SAXO1: variants seen among roughly 807,000 people sequenced by gnomAD.
SAXO1 encodes 4930500O09Rik.
Under a neutral mutation model 17.5 loss-of-function variants are expected in SAXO1, and 21 were observed. The observed-to-expected ratio is 1.20, with a 90% CI of 0.85 to 1.72. The LOEUF is 1.72. Among genes scored for constraint, SAXO1 ranks in the 40% most tolerant of loss-of-function variants. The pLI, the probability that SAXO1 is intolerant of heterozygous loss-of-function variation, is 0.00. For synonymous variants in SAXO1, 274 were observed against 216.5 expected, an observed-to-expected ratio of 1.27 and a Z score of -2.33; for missense variants, 843 against 596.0, an observed-to-expected ratio of 1.41 and a Z score of -4.32.
intron 1 of SAXO1, among the ~76,000 whole-genome samples, chr9:18,976,305 A>G (rs1473504112): frequency 6.6e-6 from 1 of 152,122 alleles, no homozygotes; most frequent in East Asian, 1.9e-4. Flanking sequence ...TTCTAACATA[A>G]TAATGCTGAC....
chr9:19,048,884 C>T (rs1158809890), intron 1 of SAXO1, among the ~76,000 whole-genome samples: 1 of 152,216 alleles, frequency 6.6e-6, no homozygotes, highest in Non-Finnish European at 1.5e-5. Context: ...GAATTAAAAG[C>T]ACCCACTGGA....
intron 1 of SAXO1, among the ~76,000 whole-genome samples, chr9:19,025,845 T>C (rs2131032994): frequency 6.6e-6 from 1 of 151,774 alleles, no homozygotes; most frequent in Non-Finnish European, 1.5e-5. Flanking sequence ...AGATTTGCTA[T>C]TTATATTACT....
At chr9:18,935,310 T>A (rs545789411) in intron 3 of SAXO1, among the ~76,000 whole-genome samples, 4 of 152,278 alleles carry the variant, frequency 2.6e-5, no homozygotes, top group Non-Finnish European at 5.9e-5. Context: ...ATTCACACTT[T>A]GCCAATGGAG....
In SAXO1 at chr9:18,951,069, C is replaced by T. The variant is rs78353825; in HGVS notation, c.39-132G>A. 3,888 of 932,808 alleles carry T rather than the reference C, an allele frequency of 4.2e-3. 106 individuals carry two copies. The African/African-American group carries it at 0.057, about 14-fold the overall frequency. The allele number at this position is 932,808 out of a possible 1,614,324, so 57.8% of individuals were successfully genotyped here. Reference sequence around the variant, plus strand: ...GCCAACATTGAAAACCAGAATTCAACGGTTACTTTTTTCCACTAAACTACG... The same window carrying T: ...GCCAACATTGAAAACCAGAATTCAATGGTTACTTTTTTCCACTAAACTACG... On this transcript the variant is annotated intron_variant, in intron 1 of 3. Coordinates refer to ENST00000380534, the MANE Select transcript of SAXO1 (RefSeq NM_153707.4).
chr9:19,020,695 G>A lies in SAXO1; in HGVS notation c.38+12176C>T, dbSNP rs137955159. On this transcript the variant is annotated intron_variant, in intron 1 of 3. Coordinates refer to ENST00000380534, the MANE Select transcript of SAXO1 (RefSeq NM_153707.4). The stretch of plus-strand genomic sequence containing the variant: ...GAATCTTCATTCTGTCATCTATTAT[G>A]CTTGCTATGTTCTTCTCACTTTGTG... Among the ~76,000 whole-genome samples the A allele has an allele frequency of 7.6e-4, 115 of 152,222 alleles. 1 individual carries two copies. Among genetic ancestry groups the A allele is most frequent in the African/African-American group, 2.7e-3 (112 of 41,532 alleles).
At chr9:18,996,392 C>T (rs1336456970) in intron 1 of SAXO1, among the ~76,000 whole-genome samples, 2 of 152,228 alleles carry the variant, frequency 1.3e-5, no homozygotes, top group Admixed American at 6.5e-5. Flanking sequence ...GTGCAACCTA[C>T]TATAAACCTA....
chr9:18,956,428 C>G (rs1249569537), intron 1 of SAXO1, among the ~76,000 whole-genome samples: 1 of 152,124 alleles, frequency 6.6e-6, no homozygotes, highest in Non-Finnish European at 1.5e-5. Context: ...ATAAAAAGGA[C>G]AGCATCTTGT....
At chr9:19,020,454 C>T (rs1835175375) in intron 1 of SAXO1, among the ~76,000 whole-genome samples, 1 of 152,022 alleles carries the variant, frequency 6.6e-6, no homozygotes, top group Admixed American at 6.6e-5. Flanking sequence ...AAGGCTCAAG[C>T]CATCCTCCCA....
intron 1 of SAXO1, among the ~76,000 whole-genome samples, chr9:18,971,847 T>A (rs958456331): frequency 6.6e-6 from 1 of 152,178 alleles, no homozygotes; most frequent in Non-Finnish European, 1.5e-5. Context: ...TTACAGATAG[T>A]GTAAAACCCA....
intron 1 of SAXO1, among the ~76,000 whole-genome samples, chr9:19,025,236 C>T (rs112883241): frequency 0.039 from 6,003 of 152,078 alleles, 145 homozygotes; most frequent in Middle Eastern, 0.088. Flanking sequence ...AAAGATAAGT[C>T]ATCAGCAAGT....
At chr9:19,014,425 C>A (rs1834881857) in intron 1 of SAXO1, among the ~76,000 whole-genome samples, 1 of 134,618 alleles carries the variant, frequency 7.4e-6, no homozygotes, top group African/African-American at 2.7e-5. Context: ...CACGCCACTG[C>A]ACTCCAGCCT....
intron 1 of SAXO1, among the ~76,000 whole-genome samples, chr9:18,961,765 C>G (rs1264584504): frequency 6.6e-6 from 1 of 152,158 alleles, no homozygotes; most frequent in Non-Finnish European, 1.5e-5. Context: ...GGTTCCAAGT[C>G]TTTGCTATTG....
intron 1 of SAXO1, among the ~76,000 whole-genome samples, chr9:19,044,494 G>C (rs200989974): frequency 5.9e-5 from 9 of 152,182 alleles, no homozygotes; most frequent in Non-Finnish European, 1.2e-4. Context: ...AAAAAATGGG[G>C]TAAGAGATCA....
At chr9:19,041,774 G>A (rs1255333249) in intron 1 of SAXO1, among the ~76,000 whole-genome samples, 1 of 152,130 alleles carries the variant, frequency 6.6e-6, no homozygotes, top group African/African-American at 2.4e-5. Context: ...CCTATCTCTT[G>A]CCATATACAA....
Position 19,022,333 on chromosome 9 carries a change from G to A in SAXO1, c.38+10538C>T, listed in dbSNP as rs542708915. On this transcript the variant is annotated intron_variant, in intron 1 of 3. Coordinates refer to ENST00000380534, the MANE Select transcript of SAXO1 (RefSeq NM_153707.4). ...CTGTAAGAACTGTAACATTCACTGC[G>A]AGAGTCTGCGGCTTCATTCTTGAAG... is the stretch of plus-strand genomic sequence containing the variant. Among the ~76,000 whole-genome samples, 7 of 152,350 alleles carry A rather than the reference G, an allele frequency of 4.6e-5. No homozygotes were observed. The East Asian group carries it at 5.8e-4, about 13-fold the overall frequency.
chr9:18,946,856 G>A (rs1239998015), intron 2 of SAXO1, among the ~76,000 whole-genome samples: 2 of 152,184 alleles, frequency 1.3e-5, no homozygotes, highest in Non-Finnish European at 2.9e-5. Context: ...CAAAATATGT[G>A]AAGTAGAACA....
chr9:19,024,437 A>T lies in SAXO1; in HGVS notation c.38+8434T>A, dbSNP rs113731240. Among the ~76,000 whole-genome samples, 1,334 of 145,192 alleles carry T rather than the reference A, an allele frequency of 9.2e-3. 16 individuals carry two copies. The highest frequency in any genetic ancestry group is 0.051 in the Middle Eastern group (15 of 292). ...AAGGGGAACATCACACACCGGGGAC[A>T]GTTGTGGGGTGGGGCGAGGGGGGGA... is the stretch of plus-strand genomic sequence containing the variant. On this transcript the variant is annotated intron_variant, in intron 1 of 3. Coordinates refer to ENST00000380534, the MANE Select transcript of SAXO1 (RefSeq NM_153707.4).
chr9:19,009,831 CTTT>C (rs34704836), intron 1 of SAXO1, among the ~76,000 whole-genome samples: 1 of 146,090 alleles, frequency 6.8e-6, no homozygotes, highest in Admixed American at 6.8e-5. Flanking sequence ...TTGGGGTTTT[CTTT>C]TTTTTTTTTT....
chr9:18,979,691 T>C (rs116150121), intron 1 of SAXO1, among the ~76,000 whole-genome samples: 4 of 152,180 alleles, frequency 2.6e-5, no homozygotes, highest in Non-Finnish European at 4.4e-5. Context: ...CAGCCTAGAA[T>C]TGGAGGCAGC....
Sources: allele counts gnomAD v4.1 joint callset (sites outside exome capture counted in the v4.1 genomes callset), GRCh38; gene constraint gnomAD v4.1.1; transcripts MANE v1.5; gene names NCBI Gene and HGNC (gene_info 2026-07-23, HGNC 2026-07-21).